SNX17: variants seen among roughly 807,000 people sequenced by gnomAD.
The protein encoded by SNX17 is sorting nexin 17.
In SNX17, 35 loss-of-function variants were observed where a neutral mutation model predicts 64.3. The ratio of observed to expected loss-of-function variants is 0.54; its 90% CI spans 0.42 to 0.72. The LOEUF is 0.72. Ranked by LOEUF, SNX17 falls within the 30% of genes least tolerant of loss-of-function variation. The pLI, the probability that SNX17 is intolerant of heterozygous loss-of-function variation, is 0.00. For synonymous variants in SNX17, 259 were observed against 230.2 expected (o/e 1.13, Z -1.13); for missense variants, 538 against 610.0 (o/e 0.88, Z 1.24).
chr2:27,373,567 T>C (rs1388749526), intron 4 of SNX17: 4 of 534,390 alleles, frequency 7.5e-6, no homozygotes, highest in African/African-American at 5.7e-5. Flanking sequence ...TTTGCCGTGT[T>C]GGCCTGGCTG....
chr2:27,371,467 G>GGGTA, intron 2 of SNX17, 124 bp downstream of exon 2: 2 of 1,430,184 alleles, frequency 1.4e-6, no homozygotes, highest in Non-Finnish European at 1.8e-6. Flanking sequence ...CACTGCCACA[G>GGGTA]GGTAGGGCCC....
rs1447813830 is a variant in SNX17, at chr2:27,375,167, CCT to C, written c.774+19_774+20del. 6 of 1,611,876 alleles carry C rather than the reference CCT, an allele frequency of 3.7e-6. No homozygotes were observed. Among genetic ancestry groups the C allele is most frequent in the African/African-American group, 1.3e-5 (1 of 74,866 alleles). On this transcript the variant is annotated intron_variant, in intron 9 of 14. Transcript: ENST00000233575. This position sits in a 1 kb window ranked among gnomAD's most constrained non-coding sequence, Gnocchi z 4.1. ...TCCAAGAAGGAGGTGAGCCCTGCCT[CCT>C]CTCTGTCTTCCTCTAAGGGCTTGCA...
In SNX17 at chr2:27,377,398, C is replaced by A. The variant is rs953782254; in HGVS notation, c.*679C>A. On this transcript the variant is annotated 3_prime_UTR_variant, in exon 15 of 15. Coordinates refer to ENST00000233575, the MANE Select transcript of SNX17 (RefSeq NM_014748.4). The surrounding 1 kb of genome is among the most constrained non-coding windows in gnomAD (Gnocchi z 4.4). Reference sequence around the variant, plus strand: ...TGAAGTGCCTCAGTCAAGGCAAGGTCCCCTGGTCCATATGGGCCCCCCCGC... The same window carrying A: ...TGAAGTGCCTCAGTCAAGGCAAGGTACCCTGGTCCATATGGGCCCCCCCGC... 2.3e-6 allele frequency: 2 copies of A among 856,696 alleles called. No homozygotes were observed. Among genetic ancestry groups the A allele is most frequent in the African/African-American group, 3.3e-5 (2 of 60,082 alleles). 53.1% of individuals were successfully genotyped at this position (856,696 alleles called of 1,614,324 possible). A position where few individuals can be genotyped will look rare whatever the true frequency, so the allele number is the denominator to read the frequency against.
rs1247855709 is a variant in SNX17, at chr2:27,377,057, A to G, written c.*338A>G. ...TCTTGGAGCCATGGGCCAAAGGCCA[A>G]GGGGATGGGCAGAGGTCTGTGTTTG... On this transcript the variant is annotated 3_prime_UTR_variant, in exon 15 of 15. Coordinates refer to ENST00000233575, the MANE Select transcript of SNX17 (RefSeq NM_014748.4). This position sits in a 1 kb window ranked among gnomAD's most constrained non-coding sequence, Gnocchi z 4.4. 3.6e-5 allele frequency: 15 copies of G among 412,110 alleles called. No individual in the cohort carries two copies. The highest frequency in any genetic ancestry group is 2.3e-5 in the South Asian group (1 of 44,312). 25.5% of individuals were successfully genotyped at this position (412,110 alleles called of 1,614,324 possible). A position where few individuals can be genotyped will look rare whatever the true frequency, so the allele number is the denominator to read the frequency against.
At chr2:27,374,546 C>A in intron 7 of SNX17, 113 bp downstream of exon 7, 1 of 1,244,000 alleles carries the variant, frequency 8.0e-7, no homozygotes, top group Non-Finnish European at 1.2e-6. Flanking sequence ...CTGGGTGTTT[C>A]TGCCAGGCCT....
Position 27,373,276 on chromosome 2 carries a change from G to A in SNX17, c.286G>A (p.Glu96Lys), listed in dbSNP as rs78946094. 8,021 of 1,614,184 alleles carry A rather than the reference G, an allele frequency of 5.0e-3. 30 individuals carry two copies. The highest frequency in any genetic ancestry group is 6.3e-3 in the Non-Finnish European group (7,397 of 1,180,004). ...VRQDPLLGSSETFNSFLRRAQ... is the reference protein window; with the variant it reads ...VRQDPLLGSSKTFNSFLRRAQ... ...GCAAGACCCATTGCTTGGGAGCAGCGAGACTTTCAACAGTTTCCTGCGTCG... is the reference window on the plus strand; with the variant it reads ...GCAAGACCCATTGCTTGGGAGCAGCAAGACTTTCAACAGTTTCCTGCGTCG... The change falls in exon 4 of 15, where the codon GAG (glutamate) becomes AAG (lysine). Residue 96 changes from glutamate to lysine, a missense_variant. Glu to Lys is a moderately conservative substitution (Grantham distance 56). Transcript: ENST00000233575.
chr2:27,374,966 G>C, intron 8 of SNX17, 95 bp from the exon 9 acceptor site: 7 of 1,198,970 alleles, frequency 5.8e-6, no homozygotes, highest in Non-Finnish European at 8.6e-6. Context: ...CTCAAGTGTG[G>C]GGCTAGGGGT....
In SNX17 at chr2:27,373,275, C is replaced by G. The variant is rs777349637; in HGVS notation, c.285C>G (p.Ser95Arg). Residue 95 changes from serine (S) to arginine (R), a missense_variant, in exon 4 of 15, where the codon AGC becomes AGG. Physicochemically the swap from Ser to Arg is moderately radical, Grantham distance 110 (BLOSUM62 -1). Around this residue, in one of 3 missense-constraint regions of SNX17, gnomAD observed 505 missense variants for 550.4 expected, o/e 0.92. Transcript: ENST00000233575. ...AVRQDPLLGS[S>R]ETFNSFLRRA... ...GGCAAGACCCATTGCTTGGGAGCAGCGAGACTTTCAACAGTTTCCTGCGTC... is the reference window on the plus strand; with the variant it reads ...GGCAAGACCCATTGCTTGGGAGCAGGGAGACTTTCAACAGTTTCCTGCGTC... 6.2e-7 allele frequency: 1 copy of G among 1,614,148 alleles called. No individual in the cohort carries two copies. Among genetic ancestry groups the G allele is most frequent in the South Asian group, 1.1e-5 (1 of 91,078 alleles).
At position 27,373,947 on chromosome 2, in the gene SNX17, A is replaced by C; in HGVS notation, c.408A>C (p.Ser136=). Residue 136 remains serine (S), a synonymous_variant, in exon 5 of 15, where the codon TCA becomes TCC. Coordinates refer to ENST00000233575, the MANE Select transcript of SNX17 (RefSeq NM_014748.4). Reference sequence around the variant, plus strand: ...AAGTTCTGGTCAACGTGCTAACTTCAGATCAGACTGAGGATGTCCTGGAGG... The same window carrying C: ...AAGTTCTGGTCAACGTGCTAACTTCCGATCAGACTGAGGATGTCCTGGAGG... The part of the protein sequence containing the change: ...GQKVLVNVLT[S]DQTEDVLEAV... 1 of 1,614,206 alleles carries C rather than the reference A, an allele frequency of 6.2e-7. No individual in the cohort carries two copies. Among genetic ancestry groups the C allele is most frequent in the Non-Finnish European group, 8.5e-7 (1 of 1,180,022 alleles).
rs1011972319 is a variant in SNX17, at chr2:27,373,867, C to G, written c.328C>G (p.Gln110Glu). ...SFLRRAQQETQQVPTEEVSLE... is the reference protein window; with the variant it reads ...SFLRRAQQETEQVPTEEVSLE... ...CCATGTGTGCTCACAACAGGAGACA[C>G]AGCAGGTCCCCACAGAGGAAGTGTC... Residue 110 changes from glutamine (Q) to glutamate (E), a missense_variant, in exon 5 of 15, where the codon CAG (glutamine) becomes GAG (glutamate). Around this residue, in one of 3 missense-constraint regions of SNX17, gnomAD observed 505 missense variants for 550.4 expected, o/e 0.92. Coordinates refer to ENST00000233575, the MANE Select transcript of SNX17 (RefSeq NM_014748.4). The G allele has an allele frequency of 5.0e-6, 8 of 1,612,698 alleles. No homozygotes were observed. The highest frequency in any genetic ancestry group is 6.8e-6 in the Non-Finnish European group (8 of 1,179,706).
In SNX17 at chr2:27,374,191, C is replaced by T; in HGVS notation, c.523+16C>T. 3 of 1,610,520 alleles carry T rather than the reference C, an allele frequency of 1.9e-6. No homozygotes were observed. The highest frequency in any genetic ancestry group is 1.1e-5 in the South Asian group (1 of 91,028). On this transcript the variant is annotated intron_variant, in intron 6 of 14. Coordinates refer to ENST00000233575, the MANE Select transcript of SNX17 (RefSeq NM_014748.4). ...GCCTTTTCTTGTGAGTTTCTCTGGA[C>T]TTGACTGCAGTACAAGGGTACTTCA... is the stretch of plus-strand genomic sequence containing the variant.
At position 27,376,533 on chromosome 2, in the gene SNX17, G is replaced by A. The variant is rs146489874; in HGVS notation, c.1299+13G>A. 83 of 1,614,168 alleles carry A rather than the reference G, an allele frequency of 5.1e-5. No homozygotes were observed. In the East Asian group the frequency reaches 1.5e-3, roughly 29 times the overall value. ...GGTCAAACTCTCAGTGAGTTCCAGCGTTGGTGAGGTTGCTGTTTGTTGGGG... is the reference window on the plus strand; with the variant it reads ...GGTCAAACTCTCAGTGAGTTCCAGCATTGGTGAGGTTGCTGTTTGTTGGGG... On this transcript the variant is annotated intron_variant, in intron 14 of 14. Coordinates refer to ENST00000233575, the MANE Select transcript of SNX17 (RefSeq NM_014748.4).
rs750112598 is a variant in SNX17, at chr2:27,376,319, C to T, written c.1189C>T (p.Arg397Cys). Residue 397 changes from arginine (R) to cysteine (C), a missense_variant, in exon 13 of 15, where the codon CGC (arginine) becomes TGC (cysteine). Around this residue, in one of 3 missense-constraint regions of SNX17, gnomAD observed 505 missense variants for 550.4 expected, o/e 0.92. Coordinates refer to ENST00000233575, the MANE Select transcript of SNX17 (RefSeq NM_014748.4). Reference sequence around the variant, plus strand: ...ACCTTGTGTCTGTCCCCAGATGCTGCGCCGGCGGGTGGGGGGTACTCTGAG... The same window carrying T: ...ACCTTGTGTCTGTCCCCAGATGCTGTGCCGGCGGGTGGGGGGTACTCTGAG... ...KSGGSIRKML[R>C]RRVGGTLRRS... The T allele has an allele frequency of 2.9e-5, 46 of 1,611,394 alleles. No individual in the cohort carries two copies. Among genetic ancestry groups the T allele is most frequent in the Non-Finnish European group, 3.6e-5 (43 of 1,178,232 alleles).
chr2:27,375,635 C>T lies in SNX17; in HGVS notation c.904C>T (p.Arg302Cys), dbSNP rs868670073. 4.3e-6 allele frequency: 7 copies of T among 1,614,158 alleles called. No individual in the cohort carries two copies. The highest frequency in any genetic ancestry group is 4.5e-5 in the East Asian group (2 of 44,878). The change falls in exon 10 of 15, where the codon CGC (arginine) becomes TGC (cysteine). Residue 302 changes from arginine (R) to cysteine (C), a missense_variant. Physicochemically the swap from Arg to Cys is radical, Grantham distance 180. Coordinates refer to ENST00000233575, the MANE Select transcript of SNX17 (RefSeq NM_014748.4). The surrounding 1 kb of genome is among the most constrained non-coding windows in gnomAD (Gnocchi z 4.1). Reference protein sequence around the residue: ...AGNSELSLQLRLPGQQLREGS... With the variant: ...AGNSELSLQLCLPGQQLREGS... ...CAACAGTGAGCTCAGCCTGCAGCTC[C>T]GCCTGCCTGGCCAGCAACTCCGAGA...
In SNX17 at chr2:27,373,979, G is replaced by A. The variant is rs147116539; in HGVS notation, c.432+8G>A. On this transcript the variant is annotated splice_region_variant and intron_variant, in intron 5 of 14. Coordinates refer to ENST00000233575, the MANE Select transcript of SNX17 (RefSeq NM_014748.4). ...ACTGAGGATGTCCTGGAGGTGAGGCGCTTGTTCAGCACTGCCCCTTCTTCC... is the reference window on the plus strand; with the variant it reads ...ACTGAGGATGTCCTGGAGGTGAGGCACTTGTTCAGCACTGCCCCTTCTTCC... 5.1e-3 allele frequency: 8,258 copies of A among 1,613,062 alleles called. 29 individuals carry two copies. Among genetic ancestry groups the A allele is most frequent in the Non-Finnish European group, 6.3e-3 (7,412 of 1,179,014 alleles).
chr2:27,373,361 G>A (rs1325244573), intron 4 of SNX17, 50 bp downstream of exon 4: 1 of 1,591,130 alleles, frequency 6.3e-7, no homozygotes, highest in Non-Finnish European at 8.6e-7. Flanking sequence ...TTGCTGGAAG[G>A]TCATGTCTTT....
chr2:27,373,513 C>T, intron 4 of SNX17: 2 of 576,554 alleles, frequency 3.5e-6, no homozygotes, highest in Non-Finnish European at 6.1e-6. Flanking sequence ...CAGGCGCCTG[C>T]CACCATGTCC....
intron 2 of SNX17, chr2:27,371,581 AC>A: frequency 1.3e-6 from 1 of 773,070 alleles, no homozygotes; most frequent in African/African-American, 1.8e-5. Context: ...GTCCAGTCTT[AC>A]TGCTCTAGTA....
intron 7 of SNX17, 90 bp downstream of exon 7, chr2:27,374,523 A>G: frequency 7.5e-7 from 1 of 1,333,930 alleles, no homozygotes; most frequent in Non-Finnish European, 1.1e-6. Context: ...AATCTGGACA[A>G]GGGGGTGTAG....
Sources: allele counts gnomAD v4.1 joint callset, GRCh38; gene constraint gnomAD v4.1.1; regional missense constraint gnomAD v4.1.1; non-coding constraint Gnocchi (gnomAD v3.1); transcripts MANE v1.5; gene names NCBI Gene and HGNC (gene_info 2026-07-23, HGNC 2026-07-21).